The following SOS1 variants were observed in gnomAD, a reference collection of about 807,000 sequenced individuals.
SOS1 encodes the protein SOS Ras/Rac guanine nucleotide exchange factor 1.
A neutral mutation model predicts 157.6 loss-of-function variants in SOS1; 25 were observed. The observed-to-expected ratio is 0.16, with a 90% CI of 0.12 to 0.22. The LOEUF is 0.22. Ranked by LOEUF, SOS1 falls within the 10% of genes least tolerant of loss-of-function variation. The probability of loss-of-function intolerance (pLI) is 1.00; values close to 1 mark genes in which losing one functional copy is unlikely to be tolerated. For synonymous variants in SOS1, 528 were observed against 534.0 expected (o/e 0.99, Z 0.16); for missense variants, 1,237 against 1,599.1 (o/e 0.77, Z 3.86).
intron 6 of SOS1, among the ~76,000 whole-genome samples, chr2:39,045,225 A>G (rs968007295): frequency 2.9e-4 from 43 of 147,394 alleles, no homozygotes; most frequent in African/African-American, 1.1e-3. Context: ...ATTGAGTGTG[A>G]GGGAATGAGA....
intron 20 of SOS1, chr2:38,993,836 G>C (rs1289595187): frequency 6.6e-6 from 1 of 152,144 alleles, no homozygotes; most frequent in Non-Finnish European, 1.5e-5. Flanking sequence ...AGCACATCGA[G>C]CTAAGATAGC....
intron 1 of SOS1, among the ~76,000 whole-genome samples, chr2:39,092,819 A>G (rs1324135456): frequency 6.6e-6 from 1 of 152,262 alleles, no homozygotes; most frequent in Non-Finnish European, 1.5e-5. Flanking sequence ...ATTTAAATCC[A>G]CTTGAAAGCT....
At chr2:39,064,025 G>A (rs937926582) in intron 2 of SOS1, among the ~76,000 whole-genome samples, 4 of 151,990 alleles carry the variant, frequency 2.6e-5, no homozygotes, top group African/African-American at 9.7e-5. Flanking sequence ...GTAAAGACAG[G>A]GTTTTGCCAT....
intron 1 of SOS1, among the ~76,000 whole-genome samples, chr2:39,096,681 C>G (rs995084173): frequency 7.2e-5 from 11 of 151,972 alleles, no homozygotes; most frequent in East Asian, 1.9e-4. Flanking sequence ...GTCAGGAGAT[C>G]GAGACCATCT....
chr2:39,021,438 T>C (rs186736915), intron 10 of SOS1, among the ~76,000 whole-genome samples: 17 of 151,264 alleles, frequency 1.1e-4, no homozygotes, highest in Non-Finnish European at 1.9e-4. Flanking sequence ...ATTAAAAATT[T>C]TGTAATTTGA....
intron 15 of SOS1, among the ~76,000 whole-genome samples, chr2:39,010,051 C>G (rs1215916623): frequency 6.6e-6 from 1 of 152,158 alleles, no homozygotes; most frequent in East Asian, 1.9e-4. Flanking sequence ...AGCGATGGCT[C>G]ACGCCTGTAA....
At chr2:39,118,575 T>C (rs569961889) in intron 1 of SOS1, among the ~76,000 whole-genome samples, 1 of 152,270 alleles carries the variant, frequency 6.6e-6, no homozygotes, top group East Asian at 1.9e-4. Flanking sequence ...TATGTAAATA[T>C]GCAAAAAGGA....
At chr2:39,109,724 C>T (rs1186161027) in intron 1 of SOS1, among the ~76,000 whole-genome samples, 1 of 152,182 alleles carries the variant, frequency 6.6e-6, no homozygotes, top group Middle Eastern at 3.2e-3. Flanking sequence ...AGCTGTACAA[C>T]TGGGACATTA....
rs548552233 is a variant in SOS1 at position 39,107,423 on chromosome 2, A to G, written c.87+12913T>C. Among the ~76,000 whole-genome samples, 3 of 152,220 alleles carry G rather than the reference A, an allele frequency of 2.0e-5. No individual in the cohort carries two copies. In the East Asian group the frequency reaches 5.8e-4, roughly 30 times the overall value. On this transcript the variant is annotated intron_variant, in intron 1 of 22. Coordinates refer to ENST00000402219, the MANE Select transcript of SOS1 (RefSeq NM_005633.4). ...TTCTGAGGCCTTGCAAACTTTCCTT[A>G]GTATTGCACTACAGTCTAAGACACT...
At position 38,997,016 on chromosome 2, in the gene SOS1, G is replaced by A. The variant is rs200747626; in HGVS notation, c.2987C>T (p.Pro996Leu). Residue 996 changes from proline (P) to leucine (L), a missense_variant, in exon 19 of 23, where the codon CCG becomes CTG. Around this residue, in one of 15 missense-constraint regions of SOS1, gnomAD observed 34 missense variants for 28.1 expected, o/e 1.21. Coordinates refer to ENST00000402219, the MANE Select transcript of SOS1 (RefSeq NM_005633.4). Reference protein sequence around the residue: ...DIKRFFENLNPMGNSMEKEFT... With the variant: ...DIKRFFENLNLMGNSMEKEFT... ...TTCCTTCTCCATGCTATTTCCCATCGGATTCAAGTTTTCAAAGAACCTCTA... is the reference window on the plus strand; with the variant it reads ...TTCCTTCTCCATGCTATTTCCCATCAGATTCAAGTTTTCAAAGAACCTCTA... The A allele has an allele frequency of 1.4e-5, 22 of 1,592,200 alleles. No homozygotes were observed. The highest frequency in any genetic ancestry group is 1.7e-5 in the Non-Finnish European group (20 of 1,161,594).
chr2:39,093,294 A>G (rs1461032174), intron 1 of SOS1, among the ~76,000 whole-genome samples: 2 of 152,204 alleles, frequency 1.3e-5, no homozygotes, highest in African/African-American at 4.8e-5. Flanking sequence ...GTTAGTTCTT[A>G]GTAAACTACA....
At chr2:39,011,430 T>C (rs1211103448) in intron 14 of SOS1, among the ~76,000 whole-genome samples, 1 of 152,114 alleles carries the variant, frequency 6.6e-6, no homozygotes. Flanking sequence ...TCTTTTTTTT[T>C]TCTTTTGGTC....
chr2:39,124,842 G>C (rs1203643662), upstream of SOS1, among the ~76,000 whole-genome samples: 1 of 152,190 alleles, frequency 6.6e-6, no homozygotes, highest in East Asian at 1.9e-4. Flanking sequence ...CTGCTATTCA[G>C]AATGCCTGTC....
chr2:39,104,762 C>A (rs1673102298), intron 1 of SOS1, among the ~76,000 whole-genome samples: 1 of 152,130 alleles, frequency 6.6e-6, no homozygotes, highest in Non-Finnish European at 1.5e-5. Context: ...GTACATACTG[C>A]AACACAGATG....
chr2:38,986,130 A>C lies in SOS1; in HGVS notation c.3696T>G (p.His1232Gln). ...TPDVFSSSPL[H>Q]LQPPPLGKKS... is the part of the protein sequence containing the mutation. ...TTTTGCCCAAAGGGGGAGGTTGGAG[A>C]TGTAGTGGTGAGCTTGAGAAAACAT... The change falls in exon 23 of 23, where the codon CAT becomes CAG. Residue 1232 changes from histidine (H) to glutamine (Q), a missense_variant. Coordinates refer to ENST00000402219, the MANE Select transcript of SOS1 (RefSeq NM_005633.4). 12 of 1,613,538 alleles carry C rather than the reference A, an allele frequency of 7.4e-6. No individual in the cohort carries two copies. Among genetic ancestry groups the C allele is most frequent in the Non-Finnish European group, 1.0e-5 (12 of 1,179,788 alleles).
intron 6 of SOS1, among the ~76,000 whole-genome samples, chr2:39,045,247 A>AGGGAGAGGGAGAGAGG (rs150513425): frequency 2.4e-4 from 31 of 129,374 alleles, no homozygotes; most frequent in Admixed American, 1.3e-3. Flanking sequence ...AGAGAGGGAG[A>AGGGAGAGGGAGAGAGG]GAGAGAGAGA....
At chr2:39,060,140 G>C (rs140587715) in intron 2 of SOS1, among the ~76,000 whole-genome samples, 123 of 152,234 alleles carry the variant, frequency 8.1e-4, no homozygotes, top group African/African-American at 2.5e-3. Flanking sequence ...ATCCAAAAAT[G>C]ACAAGATATT....
chr2:39,000,412 TA>T (rs1320395563), intron 17 of SOS1, among the ~76,000 whole-genome samples: 1 of 152,212 alleles, frequency 6.6e-6, no homozygotes, highest in African/African-American at 2.4e-5. Context: ...TATATATTAG[TA>T]AAGCTTAGGT....
At chr2:39,035,349 C>T (rs780058801) in intron 7 of SOS1, 39 bp from the exon 8 acceptor site, 2 of 1,602,446 alleles carry the variant, frequency 1.2e-6, no homozygotes, top group Admixed American at 3.3e-5. Context: ...TTTAAGTTTA[C>T]TTTTCAGACA....
Sources: allele counts gnomAD v4.1 joint callset (sites outside exome capture counted in the v4.1 genomes callset), GRCh38; gene constraint gnomAD v4.1.1; regional missense constraint gnomAD v4.1.1; transcripts MANE v1.5; gene names NCBI Gene and HGNC (gene_info 2026-07-23, HGNC 2026-07-21).